The following NCKAP5 variants were observed in gnomAD, a reference collection of about 807,000 sequenced individuals.
NCKAP5 encodes nck-associated protein 5.
In NCKAP5, 92 loss-of-function variants were observed where a neutral mutation model predicts 167.0. That is an observed-to-expected ratio of 0.55 (90% CI 0.47 to 0.66). The LOEUF is 0.66. Ranked by LOEUF, NCKAP5 falls within the 30% of genes least tolerant of loss-of-function variation. The pLI is 0.00. For synonymous variants in NCKAP5, 891 were observed against 877.4 expected (o/e 1.02, Z -0.27); for missense variants, 2,378 against 2,315.0 (o/e 1.03, Z -0.56).
At chr2:132,766,195 G>C (rs1245152735) in intron 16 of NCKAP5, among the ~76,000 whole-genome samples, 2 of 141,200 alleles carry the variant, frequency 1.4e-5, no homozygotes, top group Non-Finnish European at 3.0e-5. Flanking sequence ...CAGGAGAATT[G>C]CTTGAACCAG....
the NCKAP5 span, among the ~76,000 whole-genome samples, chr2:133,613,799 A>G: frequency 1.2e-4 from 18 of 152,172 alleles, no homozygotes; most frequent in African/African-American, 4.3e-4. Flanking sequence ...GCTCTTCCCA[A>G]TGTTGGACAG....
intron 5 of NCKAP5, among the ~76,000 whole-genome samples, chr2:133,182,475 G>C (rs1029885970): frequency 6.6e-6 from 1 of 152,040 alleles, no homozygotes; most frequent in African/African-American, 2.4e-5. Flanking sequence ...AAAAATAAGA[G>C]ACCAGTAAAA....
chr2:133,381,299 G>A (rs926954970), intron 3 of NCKAP5, among the ~76,000 whole-genome samples: 2 of 152,216 alleles, frequency 1.3e-5, no homozygotes, highest in South Asian at 2.1e-4. Context: ...GGATATCACA[G>A]GTACTCATGT....
chr2:133,127,144 A>T (rs2149784700), intron 6 of NCKAP5, among the ~76,000 whole-genome samples: 1 of 152,324 alleles, frequency 6.6e-6, no homozygotes, highest in Non-Finnish European at 1.5e-5. Flanking sequence ...ACCATATTGG[A>T]TGCTAACCCC....
chr2:132,731,918 G>T lies in NCKAP5; in HGVS notation c.5262C>A (p.Leu1754=), dbSNP rs767306538. Residue 1754 remains leucine, a synonymous_variant, in exon 17 of 20, where the codon CTC becomes CTA. Transcript: ENST00000409261. ...AAGAAACTGCAGAAAGGGCTGACTGGAGAGGCAGGAGAGGCTCAGCGTCCT... is the reference window on the plus strand; with the variant it reads ...AAGAAACTGCAGAAAGGGCTGACTGTAGAGGCAGGAGAGGCTCAGCGTCCT... ...SPEDAEPLLP[L]QSALSAVSSM... The T allele has an allele frequency of 1.9e-6, 3 of 1,613,868 alleles. No individual in the cohort carries two copies. The highest frequency in any genetic ancestry group is 2.7e-5 in the African/African-American group (2 of 74,920).
intron 2 of NCKAP5, among the ~76,000 whole-genome samples, chr2:133,550,886 C>T (rs1184184641): frequency 6.7e-6 from 1 of 148,766 alleles, no homozygotes; most frequent in African/African-American, 2.5e-5. Context: ...AGCTGATAAG[C>T]AACTTCAGCA....
rs1410476874 is a variant in NCKAP5 at position 132,994,146 on chromosome 2, G to A, written c.429+6C>T. 1 of 1,546,230 alleles carries A rather than the reference G, an allele frequency of 6.5e-7. No individual in the cohort carries two copies. Among genetic ancestry groups the A allele is most frequent in the East Asian group, 2.3e-5 (1 of 42,970 alleles). On this transcript the variant is annotated splice_donor_region_variant and intron_variant, in intron 7 of 19. Coordinates refer to ENST00000409261, the MANE Select transcript of NCKAP5 (RefSeq NM_207363.3). ...TACCCAGCCAAGAATAATAAACATG[G>A]TGTACCTGATAGACCATTATATTAA...
chr2:132,759,576 T>A (rs753956656), intron 16 of NCKAP5, among the ~76,000 whole-genome samples: 3 of 152,174 alleles, frequency 2.0e-5, no homozygotes, highest in Non-Finnish European at 2.9e-5. Flanking sequence ...ATCGATTTCA[T>A]GACTCACAGA....
chr2:132,906,539 C>A (rs759407089), intron 8 of NCKAP5, among the ~76,000 whole-genome samples: 2 of 152,150 alleles, frequency 1.3e-5, no homozygotes, highest in Non-Finnish European at 2.9e-5. Context: ...ATACTTATAA[C>A]TCCCATAATG....
At chr2:132,911,803 T>C (rs943730326) in intron 8 of NCKAP5, among the ~76,000 whole-genome samples, 4 of 152,118 alleles carry the variant, frequency 2.6e-5, no homozygotes, top group Non-Finnish European at 5.9e-5. Flanking sequence ...GGAAAAAGAT[T>C]TATTATTCCC....
At chr2:133,272,132 GGAAA>G (rs1171384903) in intron 4 of NCKAP5, among the ~76,000 whole-genome samples, 4 of 151,622 alleles carry the variant, frequency 2.6e-5, no homozygotes, top group Non-Finnish European at 4.4e-5. Context: ...ATTATAAGAT[GGAAA>G]GAAAGGAGTA....
intron 3 of NCKAP5, among the ~76,000 whole-genome samples, chr2:133,463,582 A>C (rs2151242987): frequency 6.6e-6 from 1 of 152,316 alleles, no homozygotes; most frequent in Non-Finnish European, 1.5e-5. Flanking sequence ...ACTAGAACCA[A>C]GTTTTAGCAT....
At chr2:132,697,485 T>G (rs1484629369) in intron 19 of NCKAP5, among the ~76,000 whole-genome samples, 1 of 152,210 alleles carries the variant, frequency 6.6e-6, no homozygotes, top group Non-Finnish European at 1.5e-5. Context: ...TGAAGGTTTC[T>G]CAAGAAATGA....
intron 6 of NCKAP5, among the ~76,000 whole-genome samples, chr2:133,086,314 A>G (rs2080988495): frequency 6.6e-6 from 1 of 152,134 alleles, no homozygotes; most frequent in Non-Finnish European, 1.5e-5. Context: ...GCTCTATTCC[A>G]TTTTCCTTCT....
chr2:133,185,473 A>G (rs945957051), intron 5 of NCKAP5, among the ~76,000 whole-genome samples: 2 of 151,584 alleles, frequency 1.3e-5, no homozygotes, highest in African/African-American at 4.9e-5. Flanking sequence ...TACATTTTAG[A>G]ACAGTTTTTT....
chr2:133,181,459 G>C (rs2084728626), intron 5 of NCKAP5, among the ~76,000 whole-genome samples: 1 of 152,000 alleles, frequency 6.6e-6, no homozygotes, highest in African/African-American at 2.4e-5. Context: ...GACTTGAATT[G>C]TAATACATCA....
chr2:133,038,685 C>T (rs138680615), intron 6 of NCKAP5, among the ~76,000 whole-genome samples: 109 of 151,956 alleles, frequency 7.2e-4, no homozygotes, highest in Non-Finnish European at 1.3e-3. Context: ...TTCTCCATGA[C>T]GTTTTTATTT....
At chr2:132,728,510 C>T (rs375752569) in intron 18 of NCKAP5, among the ~76,000 whole-genome samples, 1 of 152,146 alleles carries the variant, frequency 6.6e-6, no homozygotes, top group East Asian at 1.9e-4. Context: ...TCCAATGGCG[C>T]CCACATGGCT....
At chr2:133,138,722 A>G (rs951544004) in intron 5 of NCKAP5, among the ~76,000 whole-genome samples, 26 of 152,136 alleles carry the variant, frequency 1.7e-4, no homozygotes, top group Non-Finnish European at 3.5e-4. Context: ...TATAAGTTGG[A>G]TTCTCTCATA....
Sources: gnomAD v4.1 joint callset for allele counts (sites outside exome capture counted in the v4.1 genomes callset) on GRCh38, gnomAD v4.1.1 for gene constraint, MANE v1.5 for transcripts, NCBI Gene and HGNC (gene_info 2026-07-23, HGNC 2026-07-21) for gene names.